The following CPAMD8 variants were observed in gnomAD, a reference collection of about 807,000 sequenced individuals.
CPAMD8 encodes C3 and PZP like alpha-2-macroglobulin domain containing 8.
A neutral mutation model predicts 224.7 loss-of-function variants in CPAMD8; 146 were observed. The ratio of observed to expected loss-of-function variants is 0.65; its 90% CI spans 0.57 to 0.75. The LOEUF (loss-of-function observed/expected upper bound fraction) is 0.75, where lower values mean the gene tolerates loss of function less well. CPAMD8 is among the 30% of genes least tolerant of loss of function. The probability of loss-of-function intolerance (pLI) is 0.00; values close to 1 mark genes in which losing one functional copy is unlikely to be tolerated. For synonymous variants in CPAMD8, 966 were observed against 1,044.6 expected, an observed-to-expected ratio of 0.92 and a Z score of 1.45; for missense variants, 2,301 against 2,537.5, an observed-to-expected ratio of 0.91 and a Z score of 2.00.
chr19:16,933,988 A>G (rs2053616547), intron 23 of CPAMD8, among the ~76,000 whole-genome samples: 1 of 152,220 alleles, frequency 6.6e-6, no homozygotes, highest in Non-Finnish European at 1.5e-5. Flanking sequence ...ATTCAATGGA[A>G]TCCTACTCAG....
intron 26 of CPAMD8, 132 bp downstream of exon 26, chr19:16,925,064 T>G (rs958440804): frequency 1.1e-6 from 1 of 883,314 alleles, no homozygotes; most frequent in Non-Finnish European, 1.8e-6. Flanking sequence ...CCACCCTGAA[T>G]GGCCTCTTTT....
At chr19:16,904,041 C>T (rs2052369710) in intron 32 of CPAMD8, among the ~76,000 whole-genome samples, 184 bp from the exon 33 acceptor site, 2 of 152,172 alleles carry the variant, frequency 1.3e-5, no homozygotes, top group African/African-American at 4.8e-5. Context: ...TCCCCAGAGG[C>T]AGAGGCTGGG....
intron 29 of CPAMD8, 75 bp from the exon 30 acceptor site, chr19:16,907,192 G>A: frequency 2.8e-6 from 4 of 1,433,970 alleles, no homozygotes; most frequent in East Asian, 2.6e-5. Context: ...GGCTTCTGAG[G>A]CATCCCCGAG....
Position 16,980,556 on chromosome 19 carries a change from C to T in CPAMD8, c.1526G>A (p.Ser509Asn). 6.2e-7 allele frequency: 1 copy of T among 1,614,074 alleles called. No homozygotes were observed. The highest frequency in any genetic ancestry group is 8.5e-7 in the Non-Finnish European group (1 of 1,179,978). ...QQPAHTTQQR[S>N]KRAAPALEKP... ...CTCCAGGGCAGGGGCCGCCCGCTTG[C>T]TTCGCTGCTGGGTGGTGTGGGCAGG... The change falls in exon 14 of 42, where the codon AGC becomes AAC. Residue 509 changes from serine (S) to asparagine (N), a missense_variant. This residue lies in a region of CPAMD8 where 301 missense variants were observed against 406.6 expected (regional missense o/e 0.74). Transcript: ENST00000443236.
At chr19:16,919,959 A>G (rs887909366) in intron 27 of CPAMD8, among the ~76,000 whole-genome samples, 4 of 152,182 alleles carry the variant, frequency 2.6e-5, no homozygotes, top group Non-Finnish European at 4.4e-5. Flanking sequence ...TGTGGTAAGG[A>G]AACAGGCTCA....
chr19:16,919,739 A>T lies in CPAMD8; in HGVS notation c.3629+2166T>A, dbSNP rs373956508. On this transcript the variant is annotated intron_variant, in intron 27 of 41. Transcript: ENST00000443236. ...ACCATGTGTTCCTTTTTCCCCCAGG[A>T]TGAAGACCAGAGCCTAGCTCACTCA... Among the ~76,000 whole-genome samples the T allele has an allele frequency of 6.4e-4, 98 of 152,342 alleles. 1 individual carries two copies. The highest frequency in any genetic ancestry group is 2.2e-3 in the African/African-American group (91 of 41,570).
At chr19:16,925,480 C>T (rs892400693) in intron 25 of CPAMD8, 108 bp from the exon 26 acceptor site, 19 of 871,200 alleles carry the variant, frequency 2.2e-5, no homozygotes, top group African/African-American at 2.0e-4. Context: ...CAGTCAGCCA[C>T]CCAACTGCCC....
chr19:16,906,446 TC>T (rs2052522348), intron 30 of CPAMD8, among the ~76,000 whole-genome samples: 1 of 145,378 alleles, frequency 6.9e-6, no homozygotes, highest in African/African-American at 2.6e-5. Context: ...TTCTTTTCTT[TC>T]TCTTTCTTTC....
chr19:16,961,900 G>A (rs2054671228), intron 18 of CPAMD8, among the ~76,000 whole-genome samples: 1 of 152,202 alleles, frequency 6.6e-6, no homozygotes. Context: ...GGCAGACAGG[G>A]TCTAGAGTGG....
At position 16,925,997 on chromosome 19, in the gene CPAMD8, G is replaced by A. The variant is rs983558349; in HGVS notation, c.3371-625C>T. On this transcript the variant is annotated intron_variant, in intron 25 of 41. Coordinates refer to ENST00000443236, the MANE Select transcript of CPAMD8 (RefSeq NM_015692.5). The stretch of plus-strand genomic sequence containing the variant: ...GCTGGTCTTGAACTCCTGACCTCAG[G>A]TGATCCACCTGCCTCTGCCTCCCAA... Among the ~76,000 whole-genome samples the A allele has an allele frequency of 5.3e-5, 8 of 151,954 alleles. No individual in the cohort carries two copies. In the South Asian group the frequency reaches 1.2e-3, roughly 24 times the overall value.
chr19:16,897,947 C>A lies in CPAMD8; in HGVS notation c.4896G>T (p.Glu1632Asp), dbSNP rs1438853112. 7 of 1,611,162 alleles carry A rather than the reference C, an allele frequency of 4.3e-6. No individual in the cohort carries two copies. The highest frequency in any genetic ancestry group is 1.3e-5 in the African/African-American group (1 of 74,792). ...LTCVRFRALR[E>D]CVVGRTSALP... ...GCGCCGACGTCCTGCCCACCACGCA[C>A]TCCCGGAGAGCACGGAACCGCACGC... Residue 1632 changes from glutamate to aspartate, a missense_variant, in exon 38 of 42, where the codon GAG (glutamate) becomes GAT (aspartate). Glu to Asp is a conservative substitution (Grantham distance 45, BLOSUM62 2). Around this residue, in one of 4 missense-constraint regions of CPAMD8, gnomAD observed 1,709 missense variants for 1,753.2 expected, o/e 0.97. Coordinates refer to ENST00000443236, the MANE Select transcript of CPAMD8 (RefSeq NM_015692.5).
chr19:16,994,305 C>T (rs887783232), intron 11 of CPAMD8, among the ~76,000 whole-genome samples: 1 of 152,108 alleles, frequency 6.6e-6, no homozygotes, highest in East Asian at 1.9e-4. Flanking sequence ...TAGTCTGATG[C>T]CATACCAGGG....
chr19:16,970,780 A>G, intron 18 of CPAMD8, 111 bp downstream of exon 18: 1 of 999,540 alleles, frequency 1.0e-6, no homozygotes, highest in East Asian at 2.6e-5. Context: ...AGTTGTTTAT[A>G]AGCCACTCGG....
chr19:17,000,700 T>C (rs1351777568), intron 9 of CPAMD8, among the ~76,000 whole-genome samples, 178 bp from the exon 10 acceptor site: 1 of 152,100 alleles, frequency 6.6e-6, no homozygotes, highest in Admixed American at 6.6e-5. Context: ...GGACAGAAGA[T>C]GCCAAGGCCC....
rs528572445 is a variant in CPAMD8 at position 16,964,988 on chromosome 19, C to T, written c.2213+5903G>A. On this transcript the variant is annotated intron_variant, in intron 18 of 41. Transcript: ENST00000443236. ...GCAAAAAAGGTCTTCGGGCTGGGCA[C>T]GGTGGCTCACGCCTGTAATCCTAGC... Among the ~76,000 whole-genome samples the T allele has an allele frequency of 1.4e-3, 215 of 152,168 alleles. 1 individual carries two copies. Among genetic ancestry groups the T allele is most frequent in the Non-Finnish European group, 2.4e-3 (163 of 67,982 alleles).
chr19:16,936,557 C>G (rs1461538802), intron 23 of CPAMD8, among the ~76,000 whole-genome samples: 3 of 152,088 alleles, frequency 2.0e-5, no homozygotes, highest in Admixed American at 2.0e-4. Context: ...CACCTGCCAC[C>G]ATGCCTGGCT....
chr19:16,896,318 G>A lies in CPAMD8; in HGVS notation c.5284C>T (p.Leu1762=). ...PPSCCALEQR[L]PASSSSTYGD... is the part of the protein sequence containing the mutation. ...TAGGTGGAGGACGACGAGGCCGGCA[G>A]CCGCTGCTCTGGAAGGAAGGGGGCC... is the stretch of plus-strand genomic sequence containing the variant. Residue 1762 remains leucine, a synonymous_variant, in exon 41 of 42, where the codon CTG becomes TTG. Transcript: ENST00000443236. 6 of 1,607,664 alleles carry A rather than the reference G, an allele frequency of 3.7e-6. No individual in the cohort carries two copies. The highest frequency in any genetic ancestry group is 4.2e-6 in the Non-Finnish European group (5 of 1,177,334).
chr19:16,937,521 G>A lies in CPAMD8; in HGVS notation c.2845+874C>T, dbSNP rs190412555. Among the ~76,000 whole-genome samples, 312 of 152,042 alleles carry A rather than the reference G, an allele frequency of 2.1e-3. 1 individual carries two copies. Among genetic ancestry groups the A allele is most frequent in the African/African-American group, 7.2e-3 (297 of 41,480 alleles). On this transcript the variant is annotated intron_variant, in intron 23 of 41. Transcript: ENST00000443236. ...GACGGAGTCTCACTCTGTCACCCAG[G>A]CTGGAGTGCTGTGATGCAAACTTGG...
chr19:17,002,905 C>CTT (rs376741138), intron 8 of CPAMD8, among the ~76,000 whole-genome samples: 40,003 of 132,262 alleles, frequency 0.3, 6,587 homozygotes, highest in African/African-American at 0.4. Context: ...CTTTTCTTTT[C>CTT]TTTTCTTTTT....
Sources: allele counts gnomAD v4.1 joint callset (sites outside exome capture counted in the v4.1 genomes callset), GRCh38; gene constraint gnomAD v4.1.1; regional missense constraint gnomAD v4.1.1; transcripts MANE v1.5; gene names NCBI Gene and HGNC (gene_info 2026-07-23, HGNC 2026-07-21).